Variants in RAB38 observed in about 807,000 individuals in gnomAD.
The protein encoded by RAB38 is RAB38, member RAS oncogene family.
A neutral mutation model predicts 18.4 loss-of-function variants in RAB38; 15 were observed. The ratio of observed to expected loss-of-function variants is 0.82; its 90% CI spans 0.55 to 1.26. The LOEUF (loss-of-function observed/expected upper bound fraction) is 1.26. RAB38 is among the 50% of genes most tolerant of loss of function. The pLI is 0.00. For synonymous variants in RAB38, 101 were observed against 104.4 expected (o/e 0.97, Z 0.20); for missense variants, 294 against 267.4 (o/e 1.10, Z -0.69).
chr11:88,138,529 AAAG>A (rs372337625), intron 2 of RAB38, among the ~76,000 whole-genome samples: 39 of 152,278 alleles, frequency 2.6e-4, no homozygotes, highest in African/African-American at 8.2e-4. Context: ...AGAGAAGTAA[AAAG>A]AAAAATAGGG....
chr11:88,032,196 G>A, the RAB38 span, among the ~76,000 whole-genome samples: 1 of 152,010 alleles, frequency 6.6e-6, no homozygotes, highest in African/African-American at 2.4e-5. Flanking sequence ...GCTGAAACTG[G>A]ATCCCTTCCT....
the RAB38 span, among the ~76,000 whole-genome samples, chr11:87,941,596 A>G: frequency 2.0e-5 from 3 of 152,080 alleles, no homozygotes; most frequent in Non-Finnish European, 4.4e-5. Flanking sequence ...GCATCCAGAA[A>G]ATACTCAGCA....
chr11:87,819,954 T>C, the RAB38 span, among the ~76,000 whole-genome samples: 2 of 152,110 alleles, frequency 1.3e-5, no homozygotes, highest in Non-Finnish European at 1.5e-5. Context: ...GCAGCAGGAC[T>C]GCTCCTATTG....
the RAB38 span, among the ~76,000 whole-genome samples, chr11:87,844,069 C>G: frequency 1.3e-5 from 2 of 152,074 alleles, no homozygotes; most frequent in Non-Finnish European, 2.9e-5. Flanking sequence ...TGCTCATGAC[C>G]TTCATATAAC....
chr11:88,173,621 G>A (rs926445903), intron 1 of RAB38: 4 of 985,422 alleles, frequency 4.1e-6, no homozygotes, highest in Non-Finnish European at 4.8e-6. Context: ...CGTTTAAACA[G>A]TAAGCCGTTT....
chr11:88,035,374 C>T, the RAB38 span, among the ~76,000 whole-genome samples: 4 of 152,132 alleles, frequency 2.6e-5, no homozygotes, highest in African/African-American at 9.6e-5. Flanking sequence ...TTCTCAGAAA[C>T]ATTGACTAAT....
At chr11:87,824,982 G>C in the RAB38 span, among the ~76,000 whole-genome samples, 2 of 151,868 alleles carry the variant, frequency 1.3e-5, no homozygotes, top group Non-Finnish European at 2.9e-5. Flanking sequence ...TTTTGAAAGA[G>C]AGAGAGAGAG....
chr11:88,026,725 G>C, the RAB38 span, among the ~76,000 whole-genome samples: 1 of 150,920 alleles, frequency 6.6e-6, no homozygotes, highest in Non-Finnish European at 1.5e-5. Flanking sequence ...ATAGAAGAAT[G>C]ACAACTAGTA....
the RAB38 span, among the ~76,000 whole-genome samples, chr11:88,080,366 G>T: frequency 6.6e-6 from 1 of 151,722 alleles, no homozygotes; most frequent in South Asian, 2.1e-4. Flanking sequence ...ACTACATGAA[G>T]AAAAATATTG....
chr11:87,946,933 A>C, the RAB38 span, among the ~76,000 whole-genome samples: 4 of 135,588 alleles, frequency 3.0e-5, no homozygotes, highest in South Asian at 1.1e-3. Flanking sequence ...GTCAAATGGT[A>C]TTTCTAGTTC....
the RAB38 span, among the ~76,000 whole-genome samples, chr11:87,928,440 G>C: frequency 1.3e-5 from 2 of 152,036 alleles, 1 homozygote; most frequent in South Asian, 4.1e-4. Context: ...ATGATATTGA[G>C]TCATCCTTAT....
chr11:88,130,563 T>G (rs1942754321), intron 2 of RAB38, among the ~76,000 whole-genome samples: 1 of 152,222 alleles, frequency 6.6e-6, no homozygotes, highest in Non-Finnish European at 1.5e-5. Flanking sequence ...AATAAGGATT[T>G]CAGACTGAGC....
chr11:88,127,857 A>G (rs1942719359), intron 2 of RAB38, among the ~76,000 whole-genome samples: 1 of 152,196 alleles, frequency 6.6e-6, no homozygotes, highest in Non-Finnish European at 1.5e-5. Flanking sequence ...GGTCACACAC[A>G]TGTACAATTA....
chr11:88,016,508 C>T, the RAB38 span, among the ~76,000 whole-genome samples: 1 of 152,010 alleles, frequency 6.6e-6, no homozygotes. Flanking sequence ...GAACACAGGC[C>T]GGGGCACAGA....
the RAB38 span, among the ~76,000 whole-genome samples, chr11:87,946,373 T>TC: frequency 6.6e-6 from 1 of 152,134 alleles, no homozygotes; most frequent in Admixed American, 6.6e-5. Context: ...TTAGAGGCTC[T>TC]ATGAGAGCCT....
intron 2 of RAB38, among the ~76,000 whole-genome samples, chr11:88,120,465 A>C (rs982746159): frequency 1.3e-5 from 2 of 152,202 alleles, no homozygotes; most frequent in African/African-American, 4.8e-5. Context: ...TACATGGTGA[A>C]TGTGACGCAG....
chr11:88,047,331 A>G, the RAB38 span, among the ~76,000 whole-genome samples: 1 of 151,842 alleles, frequency 6.6e-6, no homozygotes, highest in Admixed American at 6.6e-5. Flanking sequence ...CCATATCCCC[A>G]TATTCTTTCA....
At chr11:88,051,061 T>C in the RAB38 span, among the ~76,000 whole-genome samples, 1 of 152,190 alleles carries the variant, frequency 6.6e-6, no homozygotes, top group East Asian at 1.9e-4. Context: ...TTATAAATTT[T>C]CACATTAATT....
the RAB38 span, among the ~76,000 whole-genome samples, chr11:88,040,639 G>C: frequency 6.6e-6 from 1 of 152,098 alleles, no homozygotes; most frequent in African/African-American, 2.4e-5. Flanking sequence ...GGATGCTGAG[G>C]CTTCAGTGAG....
Sources: allele counts gnomAD v4.1 joint callset (sites outside exome capture counted in the v4.1 genomes callset), GRCh38; gene constraint gnomAD v4.1.1; transcripts MANE v1.5; gene names NCBI Gene and HGNC (gene_info 2026-07-23, HGNC 2026-07-21).